Variants in GABBR1 observed in about 807,000 individuals in gnomAD.
GABBR1 encodes GABA-B receptor, R1 subunit.
In GABBR1, 35 loss-of-function variants were observed where a neutral mutation model predicts 117.7. The ratio of observed to expected loss-of-function variants is 0.30; its 90% CI spans 0.23 to 0.39. The LOEUF (loss-of-function observed/expected upper bound fraction) is 0.39, where lower values mean the gene tolerates loss of function less well. Ranked by LOEUF, GABBR1 falls within the 10% of genes least tolerant of loss-of-function variation. The probability of loss-of-function intolerance (pLI) is 1.00; values close to 1 mark genes in which losing one functional copy is unlikely to be tolerated. For synonymous variants in GABBR1, 442 were observed against 486.6 expected (o/e 0.91, Z 1.21); for missense variants, 709 against 1,241.8 (o/e 0.57, Z 6.45).
At chr6:29,628,084 G>T in intron 5 of GABBR1, 1 of 835,400 alleles carries the variant, frequency 1.2e-6, no homozygotes, top group Non-Finnish European at 1.4e-6. Flanking sequence ...CGTCACGGGC[G>T]GCGCGCGGCA....
At chr6:29,624,539 G>A (rs186164546) in intron 6 of GABBR1, among the ~76,000 whole-genome samples, 18 of 152,118 alleles carry the variant, frequency 1.2e-4, no homozygotes, top group African/African-American at 4.3e-4. Context: ...CTAGTGATAA[G>A]TAAAGAGAGA....
At chr6:29,617,988 T>C (rs1475080638) in intron 11 of GABBR1, among the ~76,000 whole-genome samples, 1 of 152,218 alleles carries the variant, frequency 6.6e-6, no homozygotes, top group Non-Finnish European at 1.5e-5. Context: ...ACAGAAAAGT[T>C]ATATAACTTG....
chr6:29,612,918 C>T (rs532073667), intron 12 of GABBR1, among the ~76,000 whole-genome samples: 49 of 152,264 alleles, frequency 3.2e-4, no homozygotes, highest in South Asian at 8.3e-4. Flanking sequence ...GGAAACTAAT[C>T]TTTTCATTTT....
At chr6:29,625,422 T>C (rs1764172197) in intron 6 of GABBR1, among the ~76,000 whole-genome samples, 1 of 152,160 alleles carries the variant, frequency 6.6e-6, no homozygotes, top group Non-Finnish European at 1.5e-5. Context: ...GGGCAAGGCA[T>C]GCCCCCCATT....
chr6:29,624,168 G>T, intron 6 of GABBR1, 144 bp from the exon 7 acceptor site: 2 of 823,640 alleles, frequency 2.4e-6, no homozygotes, highest in Non-Finnish European at 3.6e-6. Context: ...CTCCTTTCTG[G>T]CATCTCTTCC....
Position 29,632,807 on chromosome 6 carries a change from G to T in GABBR1, c.-1+43C>A. On this transcript the variant is annotated intron_variant, in intron 1 of 22. Transcript: ENST00000377034. This position sits in a 1 kb window ranked among gnomAD's most constrained non-coding sequence, Gnocchi z 5.8. The stretch of plus-strand genomic sequence containing the variant: ...TGCCCCCTCCCCCACCACGCCGCGC[G>T]CCCCCTCTCCGAGCCCTGCTAACCC... 2 of 672,436 alleles carry T rather than the reference G, an allele frequency of 3.0e-6. No homozygotes were observed. Among genetic ancestry groups the T allele is most frequent in the Non-Finnish European group, 3.9e-6 (2 of 511,890 alleles). The allele number at this position is 672,436 out of a possible 1,614,324, so 41.7% of individuals were successfully genotyped here.
In GABBR1 at chr6:29,612,547, T is replaced by C; in HGVS notation, c.1630+4A>G. ...GTCCGGTCCCCTCCTGCCCCTGTAC[T>C]AACCCTGAAGCTGCTCGATAAGCGT... On this transcript the variant is annotated splice_donor_region_variant and intron_variant, in intron 13 of 22. Coordinates refer to ENST00000377034, the MANE Select transcript of GABBR1 (RefSeq NM_001470.4). 6.2e-7 allele frequency: 1 copy of C among 1,613,662 alleles called. No individual in the cohort carries two copies. The highest frequency in any genetic ancestry group is 1.1e-5 in the South Asian group (1 of 91,078).
intron 11 of GABBR1, among the ~76,000 whole-genome samples, chr6:29,615,723 C>T (rs965063704): frequency 7.3e-5 from 11 of 151,358 alleles, no homozygotes; most frequent in African/African-American, 2.4e-4. Context: ...GAGTTTGAGA[C>T]AAGACTGGGC....
In GABBR1 at chr6:29,604,618, C is replaced by A; in HGVS notation, c.2588G>T (p.Arg863Leu). The A allele has an allele frequency of 6.2e-7, 1 of 1,613,228 alleles. No individual in the cohort carries two copies. The highest frequency in any genetic ancestry group is 8.5e-7 in the Non-Finnish European group (1 of 1,180,032). ...CTGCGCCTCCGACTGCCATTCCCCT[C>A]GGGTGATCAGCCTGCGCATCTGGGG... ...FVPKMRRLIT[R>L]GEWQSEAQDT... is the part of the protein sequence containing the mutation. Residue 863 changes from arginine to leucine, a missense_variant, in exon 22 of 23, where the codon CGA becomes CTA. Physicochemically the swap from Arg to Leu is moderately radical, Grantham distance 102. This residue lies in a region of GABBR1 where 251 missense variants were observed against 445.3 expected (regional missense o/e 0.56). Coordinates refer to ENST00000377034, the MANE Select transcript of GABBR1 (RefSeq NM_001470.4). The surrounding 1 kb of genome is among the most constrained non-coding windows in gnomAD (Gnocchi z 5.3).
At chr6:29,626,095 C>T (rs1764239605) in intron 6 of GABBR1, among the ~76,000 whole-genome samples, 1 of 152,116 alleles carries the variant, frequency 6.6e-6, no homozygotes, top group African/African-American at 2.4e-5. Context: ...TTTTAACAAA[C>T]TCCTCTGGTG....
In GABBR1 at chr6:29,613,148, AG is replaced by A. The variant is rs1762728957; in HGVS notation, c.1566+94del. On this transcript the variant is annotated intron_variant, in intron 12 of 22. Transcript: ENST00000377034. This position sits in a 1 kb window ranked among gnomAD's most constrained non-coding sequence, Gnocchi z 4.1. ...GACTGATTCTGCAAAGAAGTAACTG[AG>A]AAAAACAGAGAATGCATGTTTGTAG... is the stretch of plus-strand genomic sequence containing the variant. The A allele has an allele frequency of 7.5e-7, 1 of 1,342,238 alleles. No homozygotes were observed. The highest frequency in any genetic ancestry group is 2.3e-5 in the East Asian group (1 of 43,214). 83.1% of individuals were successfully genotyped at this position (1,342,238 alleles called of 1,614,324 possible).
chr6:29,614,874 T>C (rs193300048), intron 11 of GABBR1, among the ~76,000 whole-genome samples: 2 of 149,748 alleles, frequency 1.3e-5, no homozygotes, highest in East Asian at 2.0e-4. Context: ...GTAACAAATG[T>C]ACCACTCTGG....
rs1763758508 is a variant in GABBR1, at chr6:29,621,649, A to T, written c.1131+103T>A. On this transcript the variant is annotated intron_variant, in intron 10 of 22. Coordinates refer to ENST00000377034, the MANE Select transcript of GABBR1 (RefSeq NM_001470.4). This position sits in a 1 kb window ranked among gnomAD's most constrained non-coding sequence, Gnocchi z 5.0. ...GACATCCTATGAATCGTCACCTCAG[A>T]TCATATGCTATCAACTCAGGCACAG... 3.0e-6 allele frequency: 3 copies of T among 994,868 alleles called. No individual in the cohort carries two copies. Among genetic ancestry groups the T allele is most frequent in the Non-Finnish European group, 4.8e-6 (3 of 622,548 alleles). 61.6% of individuals were successfully genotyped at this position (994,868 alleles called of 1,614,324 possible).
chr6:29,607,411 T>TCCTC lies in GABBR1; in HGVS notation c.1993-197_1993-194dup, dbSNP rs1762074668. On this transcript the variant is annotated intron_variant, in intron 16 of 22. Coordinates refer to ENST00000377034, the MANE Select transcript of GABBR1 (RefSeq NM_001470.4). This position sits in a 1 kb window ranked among gnomAD's most constrained non-coding sequence, Gnocchi z 5.0. Reference sequence around the variant, plus strand: ...GAGCAGTCTCCCCACCTTGAACAATTCCTCCCATCCACCCTCTACTTCCAC... The same window carrying TCCTC: ...GAGCAGTCTCCCCACCTTGAACAATTCCTCCCTCCCATCCACCCTCTACTTCCAC... Among the ~76,000 whole-genome samples, 1 of 152,050 alleles carries TCCTC rather than the reference T, an allele frequency of 6.6e-6. No individual in the cohort carries two copies. The highest frequency in any genetic ancestry group is 2.1e-4 in the South Asian group (1 of 4,816).
In GABBR1 at chr6:29,605,638, C is replaced by T. The variant is rs779610040; in HGVS notation, c.2370G>A (p.Glu790=). The change falls in exon 20 of 23, where the codon GAG becomes GAA. Residue 790 remains glutamate, a synonymous_variant. Coordinates refer to ENST00000377034, the MANE Select transcript of GABBR1 (RefSeq NM_001470.4). The surrounding 1 kb of genome is among the most constrained non-coding windows in gnomAD (Gnocchi z 4.2). ...LLLLGIFLAY[E]TKSVSTEKIN... Reference sequence around the variant, plus strand: ...TCTTCTCAGTGGACACACTCTTGGTCTCATAAGCAAGGAAGATTCCCAGCA... The same window carrying T: ...TCTTCTCAGTGGACACACTCTTGGTTTCATAAGCAAGGAAGATTCCCAGCA... 1 of 1,613,144 alleles carries T rather than the reference C, an allele frequency of 6.2e-7. No homozygotes were observed. Among genetic ancestry groups the T allele is most frequent in the Non-Finnish European group, 8.5e-7 (1 of 1,180,020 alleles).
At position 29,606,674 on chromosome 6, in the gene GABBR1, G is replaced by C; in HGVS notation, c.2218-190C>G. 1 of 635,672 alleles carries C rather than the reference G, an allele frequency of 1.6e-6. No individual in the cohort carries two copies. The highest frequency in any genetic ancestry group is 1.9e-5 in the South Asian group (1 of 52,786). 39.4% of individuals were successfully genotyped at this position (635,672 alleles called of 1,614,324 possible). ...TGTTCCCCACTTTCCCTGATGCCTG[G>C]AAGTTCTACACACCCTTCCCAGATT... is the stretch of plus-strand genomic sequence containing the variant. On this transcript the variant is annotated intron_variant, in intron 18 of 22. Coordinates refer to ENST00000377034, the MANE Select transcript of GABBR1 (RefSeq NM_001470.4). The surrounding 1 kb of genome is among the most constrained non-coding windows in gnomAD (Gnocchi z 4.5).
chr6:29,614,473 C>G (rs1332674310), intron 11 of GABBR1, among the ~76,000 whole-genome samples: 2 of 152,328 alleles, frequency 1.3e-5, no homozygotes, highest in South Asian at 4.1e-4. Context: ...GTTCCTCATG[C>G]CTTGCTCACT....
chr6:29,631,481 C>T lies in GABBR1; in HGVS notation c.204G>A (p.Arg68=), dbSNP rs1222597362. ...PVDYEIEYVC[R]GEREVVGPKV... ...TGGGCCCCACCACCTCGCGCTCCCC[C>T]CGGCACACATACTCAATCTCATAGT... The change falls in exon 3 of 23, where the codon CGG becomes CGA. Residue 68 remains arginine (R), a synonymous_variant. Transcript: ENST00000377034. The surrounding 1 kb of genome is among the most constrained non-coding windows in gnomAD (Gnocchi z 5.9). The T allele has an allele frequency of 6.2e-7, 1 of 1,614,100 alleles. No homozygotes were observed. The highest frequency in any genetic ancestry group is 8.5e-7 in the Non-Finnish European group (1 of 1,180,050).
In GABBR1 at chr6:29,605,856, TCCCTTATGTCCA is replaced by T. The variant is rs1244615055; in HGVS notation, c.2312-172_2312-161del. On this transcript the variant is annotated intron_variant, in intron 19 of 22. Transcript: ENST00000377034. The surrounding 1 kb of genome is among the most constrained non-coding windows in gnomAD (Gnocchi z 4.2). ...AGCAAACCTCACCCTGTGTCCCCTATCCCTTATGTCCACCCAACTTGCCCAGACCACATCACT... is the reference window on the plus strand; with the variant it reads ...AGCAAACCTCACCCTGTGTCCCCTATCCCAACTTGCCCAGACCACATCACT... 1 of 768,694 alleles carries T rather than the reference TCCCTTATGTCCA, an allele frequency of 1.3e-6. No individual in the cohort carries two copies. The highest frequency in any genetic ancestry group is 1.8e-5 in the African/African-American group (1 of 57,016). 47.6% of individuals were successfully genotyped at this position (768,694 alleles called of 1,614,324 possible).
Sources: gnomAD v4.1 joint callset for allele counts (sites outside exome capture counted in the v4.1 genomes callset) on GRCh38, gnomAD v4.1.1 for gene constraint, gnomAD v4.1.1 regional missense constraint, Gnocchi (gnomAD v3.1) non-coding constraint, MANE v1.5 for transcripts, NCBI Gene and HGNC (gene_info 2026-07-23, HGNC 2026-07-21) for gene names.